ELAPOR1: variants seen among roughly 807,000 people sequenced by gnomAD.
The protein encoded by ELAPOR1 is endosome-lysosome associated apoptosis and autophagy regulator 1, also known as endosome/lysosome-associated apoptosis and autophagy regulator 1.
A neutral mutation model predicts 119.7 loss-of-function variants in ELAPOR1; 77 were observed. The ratio of observed to expected loss-of-function variants is 0.64; its 90% confidence interval spans 0.54 to 0.78. The LOEUF (loss-of-function observed/expected upper bound fraction) is 0.78. Among genes scored for constraint, ELAPOR1 ranks in the 30% least tolerant of loss-of-function variants. ELAPOR1 has a pLI of 0.00. For missense variants in ELAPOR1, 1,115 were observed against 1,270.4 expected (o/e 0.88, Z 1.86); for synonymous variants, 481 against 487.2 (o/e 0.99, Z 0.17).
chr1:109,126,073 C>T (rs569387751), intron 1 of ELAPOR1, among the ~76,000 whole-genome samples: 1 of 152,304 alleles, frequency 6.6e-6, no homozygotes, highest in Non-Finnish European at 1.5e-5. Context: ...CACAAATAAC[C>T]ATTCCAATCG....
intron 11 of ELAPOR1, 79 bp from the exon 12 acceptor site, chr1:109,191,287 A>C: frequency 1.1e-6 from 1 of 930,054 alleles, no homozygotes; most frequent in Non-Finnish European, 1.7e-6. Flanking sequence ...GTCCCCCAGC[A>C]GACGCTCTGC....
At chr1:109,144,797 T>C (rs1390863953) in intron 1 of ELAPOR1, among the ~76,000 whole-genome samples, 2 of 152,184 alleles carry the variant, frequency 1.3e-5, no homozygotes, top group African/African-American at 4.8e-5. Flanking sequence ...AGTACTTTGT[T>C]TATATTTCCC....
At chr1:109,182,320 ACT>A (rs1441449442) in intron 7 of ELAPOR1, among the ~76,000 whole-genome samples, 2 of 129,208 alleles carry the variant, frequency 1.5e-5, no homozygotes, top group African/African-American at 5.7e-5. Context: ...ACAGAGCGAG[ACT>A]CTGTCTCAAA....
In ELAPOR1 at chr1:109,205,823, G is replaced by A. The variant is rs1654454949; in HGVS notation, c.*2811G>A. The A allele has an allele frequency of 6.6e-6, 1 of 152,156 alleles. No individual in the cohort carries two copies. The highest frequency in any genetic ancestry group is 1.5e-5 in the Non-Finnish European group (1 of 68,032). 9.4% of individuals were successfully genotyped at this position (152,156 alleles called of 1,614,324 possible). On this transcript the variant is annotated 3_prime_UTR_variant, in exon 22 of 22. Coordinates refer to ENST00000369939, the MANE Select transcript of ELAPOR1 (RefSeq NM_020775.5). ...TGCAGGTCTGCCCTGTGACCTGTCAGGAACTCCTGAGTTACGCTACTGGGG... is the reference window on the plus strand; with the variant it reads ...TGCAGGTCTGCCCTGTGACCTGTCAAGAACTCCTGAGTTACGCTACTGGGG...
At chr1:109,187,819 G>T in intron 8 of ELAPOR1, 1 of 965,834 alleles carries the variant, frequency 1.0e-6, no homozygotes, top group South Asian at 4.8e-5. Context: ...TCTGTGTTCT[G>T]GGATTTTCAC....
chr1:109,174,226 A>G (rs902710268), intron 7 of ELAPOR1, among the ~76,000 whole-genome samples: 3 of 151,200 alleles, frequency 2.0e-5, no homozygotes, highest in African/African-American at 7.3e-5. Flanking sequence ...CTAGTTGCCC[A>G]GGCTGGTCTT....
At chr1:109,187,540 C>T (rs912763718) in intron 8 of ELAPOR1, 14 of 1,001,542 alleles carry the variant, frequency 1.4e-5, no homozygotes, top group East Asian at 1.1e-4. Context: ...GTCTGTGACT[C>T]GATCTGAGGG....
intron 11 of ELAPOR1, among the ~76,000 whole-genome samples, chr1:109,189,944 C>T (rs1247000400): frequency 6.6e-6 from 1 of 152,044 alleles, no homozygotes; most frequent in Non-Finnish European, 1.5e-5. Flanking sequence ...TCAAATTCTT[C>T]CTCCTCACAG....
chr1:109,186,925 T>A, intron 8 of ELAPOR1: 1 of 985,530 alleles, frequency 1.0e-6, no homozygotes, highest in Non-Finnish European at 1.2e-6. Context: ...TGTTCCCGCC[T>A]TGCAGCACAG....
intron 1 of ELAPOR1, among the ~76,000 whole-genome samples, chr1:109,119,445 A>G (rs962314748): frequency 7.3e-5 from 11 of 150,202 alleles, no homozygotes; most frequent in African/African-American, 2.7e-4. Context: ...CGGCCTCCCA[A>G]ATTGCTGGAA....
rs377692718 is a variant in ELAPOR1 at position 109,200,944 on chromosome 1, G to A, written c.2973+44G>A. ...GCACTGAGGTCAGCCTGGAGGGCTGGAGGAGACACTGCTCCTCAGACACTG... is the reference window on the plus strand; with the variant it reads ...GCACTGAGGTCAGCCTGGAGGGCTGAAGGAGACACTGCTCCTCAGACACTG... On this transcript the variant is annotated intron_variant, in intron 21 of 21. Coordinates refer to ENST00000369939, the MANE Select transcript of ELAPOR1 (RefSeq NM_020775.5). 62 of 1,581,070 alleles carry A rather than the reference G, an allele frequency of 3.9e-5. No individual in the cohort carries two copies. In the Middle Eastern group the frequency reaches 8.5e-4, roughly 22 times the overall value.
intron 1 of ELAPOR1, among the ~76,000 whole-genome samples, chr1:109,115,968 G>A (rs1647970801): frequency 1.3e-5 from 2 of 152,196 alleles, no homozygotes; most frequent in Non-Finnish European, 2.9e-5. Flanking sequence ...AAGCCCACTT[G>A]CCTAAGAATC....
intron 20 of ELAPOR1, 99 bp downstream of exon 20, chr1:109,200,336 T>C: frequency 7.2e-7 from 1 of 1,383,192 alleles, no homozygotes; most frequent in Non-Finnish European, 1.0e-6. Flanking sequence ...TTCTCTGGAG[T>C]TGGCTACAGA....
chr1:109,182,853 C>T (rs1484661061), intron 7 of ELAPOR1, among the ~76,000 whole-genome samples: 4 of 123,032 alleles, frequency 3.3e-5, no homozygotes, highest in East Asian at 2.4e-4. Flanking sequence ...GGCAACAGAG[C>T]AAGACTCCAT....
intron 1 of ELAPOR1, among the ~76,000 whole-genome samples, chr1:109,125,248 T>C (rs1347241988): frequency 6.6e-6 from 1 of 151,186 alleles, no homozygotes. Context: ...TGTATTTTTT[T>C]AGTAGAGATG....
chr1:109,138,191 G>A (rs563465253), intron 1 of ELAPOR1, among the ~76,000 whole-genome samples: 1 of 152,270 alleles, frequency 6.6e-6, no homozygotes, highest in Non-Finnish European at 1.5e-5. Flanking sequence ...GTTGACCAGA[G>A]GAAGCCTGAC....
At chr1:109,114,504 G>T (rs1245559911) in intron 1 of ELAPOR1, among the ~76,000 whole-genome samples, 168 bp downstream of exon 1, 1 of 152,156 alleles carries the variant, frequency 6.6e-6, no homozygotes, top group Non-Finnish European at 1.5e-5. Flanking sequence ...TCATGAGGAG[G>T]CCAGCACATT....
At position 109,173,443 on chromosome 1, in the gene ELAPOR1, A is replaced by G. The variant is rs1243746425; in HGVS notation, c.697-31A>G. ...CAGATTAGCGAGATTTTTCTCTGTG[A>G]TGAATGAATGCTCCTGTTTGTGGTT... On this transcript the variant is annotated intron_variant, in intron 5 of 21. Coordinates refer to ENST00000369939, the MANE Select transcript of ELAPOR1 (RefSeq NM_020775.5). 9.5e-6 allele frequency: 15 copies of G among 1,582,186 alleles called. No individual in the cohort carries two copies. In the East Asian group the frequency reaches 2.5e-4, roughly 26 times the overall value.
rs778368631 is a variant in ELAPOR1, at chr1:109,189,652, T to C, written c.1409T>C (p.Met470Thr). 1.2e-6 allele frequency: 2 copies of C among 1,614,194 alleles called. No individual in the cohort carries two copies. The highest frequency in any genetic ancestry group is 3.3e-5 in the Admixed American group (2 of 60,014). ...TAAGASDNDF[M>T]ILTLVVPGFR... Reference sequence around the variant, plus strand: ...GCTGGAGCCTCAGACAATGACTTCATGATTCTCACTCTGGTTGTGCCAGGA... The same window carrying C: ...GCTGGAGCCTCAGACAATGACTTCACGATTCTCACTCTGGTTGTGCCAGGA... Residue 470 changes from methionine to threonine, a missense_variant, in exon 11 of 22, where the codon ATG becomes ACG. Physicochemically the swap from Met to Thr is moderately conservative, Grantham distance 81. Transcript: ENST00000369939.
Sources: gnomAD v4.1 joint callset for allele counts (sites outside exome capture counted in the v4.1 genomes callset) on GRCh38, gnomAD v4.1.1 for gene constraint, MANE v1.5 for transcripts, NCBI Gene and HGNC (gene_info 2026-07-23, HGNC 2026-07-21) for gene names.